VMP1: variants seen among roughly 807,000 people sequenced by gnomAD.
VMP1 encodes the protein vacuole membrane protein 1.
VMP1 carries 11 observed loss-of-function variants against 56.0 expected under a neutral mutation model. The observed-to-expected ratio is 0.20, with a 90% confidence interval of 0.12 to 0.32. The LOEUF is 0.32. Ranked by LOEUF, VMP1 falls within the 10% of genes least tolerant of loss-of-function variation. The pLI is 1.00. For synonymous variants in VMP1, 149 were observed against 165.0 expected, an observed-to-expected ratio of 0.90 and a Z score of 0.74; for missense variants, 296 against 490.3, an observed-to-expected ratio of 0.60 and a Z score of 3.74.
intron 2 of VMP1, among the ~76,000 whole-genome samples, chr17:59,732,902 T>G (rs2034885925): frequency 6.6e-6 from 1 of 152,194 alleles, no homozygotes. Context: ...GCGTGGTGAT[T>G]CACGCCTGTA....
chr17:59,823,008 G>A (rs1325131805), intron 10 of VMP1, among the ~76,000 whole-genome samples: 1 of 152,106 alleles, frequency 6.6e-6, no homozygotes, highest in Admixed American at 6.6e-5. Context: ...ATTGTTTGAG[G>A]CAGGAGGTTG....
At chr17:59,754,859 T>TG (rs889756422) in intron 5 of VMP1, among the ~76,000 whole-genome samples, 2 of 152,164 alleles carry the variant, frequency 1.3e-5, no homozygotes, top group Non-Finnish European at 2.9e-5. Flanking sequence ...AAAAGGGGTA[T>TG]GCACAGACTG....
chr17:59,826,234 T>C (rs2038642364), intron 10 of VMP1, among the ~76,000 whole-genome samples: 1 of 152,252 alleles, frequency 6.6e-6, no homozygotes, highest in Non-Finnish European at 1.5e-5. Flanking sequence ...TCTATATGTT[T>C]GTTATGGATA....
At position 59,731,455 on chromosome 17, in the gene VMP1, G is replaced by C. The variant is rs2034820939; in HGVS notation, c.9G>C (p.Glu3Asp). Residue 3 changes from glutamate to aspartate, a missense_variant, in exon 2 of 12, where the codon GAG becomes GAC. This residue lies in a region of VMP1 where 69 missense variants were observed against 76.6 expected (regional missense o/e 0.90). Coordinates refer to ENST00000262291, the MANE Select transcript of VMP1 (RefSeq NM_030938.5). MA[E>D]NGKNCDQRRV... ...AGTTACTGATCTATGAAATGGCAGA[G>C]AATGGAAAAAATTGTGACCAGAGAC... is the stretch of plus-strand genomic sequence containing the variant. 2 of 1,592,894 alleles carry C rather than the reference G, an allele frequency of 1.3e-6. No individual in the cohort carries two copies. Among genetic ancestry groups the C allele is most frequent in the Non-Finnish European group, 1.7e-6 (2 of 1,173,140 alleles).
chr17:59,811,968 T>G (rs1476087956), intron 9 of VMP1, among the ~76,000 whole-genome samples, 182 bp downstream of exon 9: 1 of 152,150 alleles, frequency 6.6e-6, no homozygotes, highest in Admixed American at 6.6e-5. Context: ...CTTTCTTTTC[T>G]TCTTTCTTCC....
chr17:59,797,979 C>G (rs1422501491), intron 7 of VMP1, among the ~76,000 whole-genome samples: 1 of 152,130 alleles, frequency 6.6e-6, no homozygotes, highest in Non-Finnish European at 1.5e-5. Flanking sequence ...GGTTATTTTG[C>G]AGGGAGTAAT....
At chr17:59,764,181 A>T (rs1411150812) in intron 5 of VMP1, among the ~76,000 whole-genome samples, 1 of 152,234 alleles carries the variant, frequency 6.6e-6, no homozygotes, top group Non-Finnish European at 1.5e-5. Flanking sequence ...GCCTAAAAGA[A>T]CAGTGGCTCA....
At chr17:59,839,584 T>A in intron 11 of VMP1, 184 bp from the exon 12 acceptor site, 1 of 669,960 alleles carries the variant, frequency 1.5e-6, no homozygotes. Context: ...CAAAGTGAAA[T>A]CTTGATAGTT....
intron 7 of VMP1, among the ~76,000 whole-genome samples, chr17:59,806,639 C>T (rs541661157): frequency 4.7e-5 from 7 of 149,682 alleles, no homozygotes; most frequent in South Asian, 2.1e-4. Context: ...CGCTTGAACC[C>T]GGGAGGCAGA....
intron 8 of VMP1, 101 bp downstream of exon 8, chr17:59,808,977 G>T: frequency 4.3e-6 from 4 of 941,034 alleles, no homozygotes; most frequent in South Asian, 1.8e-5. Flanking sequence ...ACTTTTATTG[G>T]GTATGTAATT....
intron 2 of VMP1, among the ~76,000 whole-genome samples, chr17:59,733,277 A>G (rs1568041937): frequency 6.6e-6 from 1 of 151,962 alleles, no homozygotes; most frequent in South Asian, 2.1e-4. Context: ...TCTGTCCTCT[A>G]TTGGTAATAT....
chr17:59,833,302 G>A (rs1364088799), intron 10 of VMP1, among the ~76,000 whole-genome samples: 1 of 152,062 alleles, frequency 6.6e-6, no homozygotes, highest in Non-Finnish European at 1.5e-5. Context: ...TGATAATTAA[G>A]CAAACTATAG....
chr17:59,793,594 G>A lies in VMP1; in HGVS notation c.715-15202G>A, dbSNP rs1158616950. The stretch of plus-strand genomic sequence containing the variant: ...TGCCTAAGAATTACCATGTTTGTGC[G>A]TGTGTGCACGCGTGCGCATGTGTGT... On this transcript the variant is annotated intron_variant, in intron 7 of 11. Coordinates refer to ENST00000262291, the MANE Select transcript of VMP1 (RefSeq NM_030938.5). Among the ~76,000 whole-genome samples, 2 of 116,032 alleles carry A rather than the reference G, an allele frequency of 1.7e-5. 1 individual carries two copies. The highest frequency in any genetic ancestry group is 4.8e-4 in the East Asian group (2 of 4,146). The allele number at this position is 116,032 out of a possible 152,430, so 76.1% of individuals were successfully genotyped here.
intron 7 of VMP1, among the ~76,000 whole-genome samples, chr17:59,792,878 T>TAATAATAATAATAATAA (rs200472779): frequency 1.4e-5 from 1 of 70,492 alleles, no homozygotes; most frequent in African/African-American, 3.5e-5. Flanking sequence ...ATAATAATAA[T>TAATAATAATAATAATAA]TATTATTATT....
chr17:59,807,562 G>T (rs893778933), intron 7 of VMP1, among the ~76,000 whole-genome samples: 5 of 151,998 alleles, frequency 3.3e-5, no homozygotes. Context: ...GCCGGGTGTA[G>T]TGGCTCATGC....
intron 5 of VMP1, among the ~76,000 whole-genome samples, chr17:59,750,612 G>T (rs2035603557): frequency 6.6e-6 from 1 of 151,916 alleles, no homozygotes; most frequent in African/African-American, 2.4e-5. Flanking sequence ...CACAATGAGT[G>T]ATTTTTAAAA....
In VMP1 at chr17:59,777,249, G is replaced by A. The variant is rs146033751; in HGVS notation, c.714+3364G>A. 3.2e-3 allele frequency among the ~76,000 whole-genome samples: 485 copies of A among 152,186 alleles called. 4 individuals carry two copies. Among genetic ancestry groups the A allele is most frequent in the African/African-American group, 0.011 (450 of 41,514 alleles). On this transcript the variant is annotated intron_variant, in intron 7 of 11. Transcript: ENST00000262291. Reference sequence around the variant, plus strand: ...AACATATTCTGCTGTAGCTTTCTGTGAAAGGGTGAGTAAATGGAAAATGTG... The same window carrying A: ...AACATATTCTGCTGTAGCTTTCTGTAAAAGGGTGAGTAAATGGAAAATGTG...
chr17:59,809,830 T>C (rs2037994714), intron 8 of VMP1, among the ~76,000 whole-genome samples: 1 of 152,012 alleles, frequency 6.6e-6, no homozygotes, highest in South Asian at 2.1e-4. Context: ...AAATGAGCTG[T>C]TTTCTGTTGA....
At chr17:59,754,363 G>A (rs2035761407) in intron 5 of VMP1, among the ~76,000 whole-genome samples, 1 of 152,058 alleles carries the variant, frequency 6.6e-6, no homozygotes, top group South Asian at 2.1e-4. Context: ...CTTGGCTATT[G>A]CTAAAAGTAA....
Sources: gnomAD v4.1 joint callset for allele counts (sites outside exome capture counted in the v4.1 genomes callset) on GRCh38, gnomAD v4.1.1 for gene constraint, gnomAD v4.1.1 regional missense constraint, MANE v1.5 for transcripts, NCBI Gene and HGNC (gene_info 2026-07-23, HGNC 2026-07-21) for gene names.